The following GALNT2 variants were observed in gnomAD, a reference collection of about 807,000 sequenced individuals.
The protein encoded by GALNT2 is polypeptide N-acetylgalactosaminyltransferase 2.
Under a neutral mutation model 81.4 loss-of-function variants are expected in GALNT2, and 31 were observed. The ratio of observed to expected loss-of-function variants is 0.38; its 90% CI spans 0.29 to 0.51. GALNT2 has a LOEUF of 0.51. Among genes scored for constraint, GALNT2 ranks in the 20% least tolerant of loss-of-function variants. The pLI is 0.87. For synonymous variants in GALNT2, 303 were observed against 287.4 expected (o/e 1.05, Z -0.55); for missense variants, 629 against 765.7 (o/e 0.82, Z 2.11).
chr1:230,197,687 A>G (rs1474657056), intron 2 of GALNT2, among the ~76,000 whole-genome samples: 5 of 152,214 alleles, frequency 3.3e-5, no homozygotes, highest in Non-Finnish European at 5.9e-5. Context: ...TCCATTTTAT[A>G]CAAACCAGAG....
rs767038978 is a variant in GALNT2, at chr1:230,236,415, A to G, written c.536A>G (p.Asn179Ser). 2 of 1,614,028 alleles carry G rather than the reference A, an allele frequency of 1.2e-6. No homozygotes were observed. Among genetic ancestry groups the G allele is most frequent in the Admixed American group, 3.3e-5 (2 of 60,014 alleles). The change falls in exon 5 of 16, where the codon AAT becomes AGT. Residue 179 changes from asparagine (N) to serine (S), a missense_variant. By Grantham distance (46) the Asn-to-Ser change is conservative. Around this residue, in one of 3 missense-constraint regions of GALNT2, gnomAD observed 360 missense variants for 492.8 expected, o/e 0.73. Transcript: ENST00000366672. ...KEIILVDDYS[N>S]DPEDGALLGK... ...ATCATCTTGGTGGATGACTACAGCA[A>G]TGATCGTGAGTACTGACACTGATTT...
At chr1:230,059,296 C>T (rs1186306237) in intron 1 of GALNT2, among the ~76,000 whole-genome samples, 1 of 152,174 alleles carries the variant, frequency 6.6e-6, no homozygotes, top group Non-Finnish European at 1.5e-5. Flanking sequence ...CTGTACTATA[C>T]AGTCAGGAAA....
intron 8 of GALNT2, among the ~76,000 whole-genome samples, chr1:230,247,292 C>T (rs1206662754): frequency 1.3e-5 from 2 of 152,196 alleles, no homozygotes; most frequent in African/African-American, 2.4e-5. Flanking sequence ...TTTAGGGAGA[C>T]TCAGCCACGG....
upstream of GALNT2, among the ~76,000 whole-genome samples, chr1:230,066,022 T>C (rs1233192494): frequency 6.6e-6 from 1 of 152,238 alleles, no homozygotes; most frequent in Non-Finnish European, 1.5e-5. Flanking sequence ...TCCTTGGCAA[T>C]AGTGGAGGGA....
chr1:230,169,713 C>CA (rs1303758742), intron 1 of GALNT2, among the ~76,000 whole-genome samples: 1 of 152,210 alleles, frequency 6.6e-6, no homozygotes, highest in African/African-American at 2.4e-5. Flanking sequence ...TGAGCAGCCC[C>CA]ACGTTATTCC....
intron 1 of GALNT2, among the ~76,000 whole-genome samples, chr1:230,108,407 A>G (rs1571970762): frequency 6.6e-6 from 1 of 152,252 alleles, no homozygotes; most frequent in African/African-American, 2.4e-5. Context: ...TAAACCCATC[A>G]TAAGTTGAAA....
chr1:230,076,116 T>C (rs904915915), intron 1 of GALNT2, among the ~76,000 whole-genome samples: 2 of 152,222 alleles, frequency 1.3e-5, no homozygotes, highest in African/African-American at 2.4e-5. Context: ...GTTAAAAGGT[T>C]GTGTGTACTC....
intron 10 of GALNT2, 32 bp from the exon 11 acceptor site, chr1:230,255,186 G>T (rs1386797230): frequency 1.4e-5 from 22 of 1,614,172 alleles, no homozygotes; most frequent in Non-Finnish European, 1.8e-5. Context: ...CCCAGGCTCT[G>T]TCAGTCACCT....
chr1:230,247,514 G>A (rs888039091), intron 8 of GALNT2, among the ~76,000 whole-genome samples: 4 of 152,172 alleles, frequency 2.6e-5, no homozygotes, highest in South Asian at 2.1e-4. Context: ...ATTCAGGAAC[G>A]ATTCCCAGCA....
chr1:230,107,285 C>T (rs773583218), intron 1 of GALNT2, among the ~76,000 whole-genome samples: 7 of 152,170 alleles, frequency 4.6e-5, no homozygotes, highest in African/African-American at 9.7e-5. Flanking sequence ...AAAATGAATT[C>T]GCAGCCAGGG....
chr1:230,064,082 T>A (rs1558265884), upstream of GALNT2, among the ~76,000 whole-genome samples: 1 of 152,208 alleles, frequency 6.6e-6, no homozygotes, highest in African/African-American at 2.4e-5. Flanking sequence ...TATATTTTGT[T>A]GTAGTGATTT....
chr1:230,078,114 A>G (rs749773003), intron 1 of GALNT2, among the ~76,000 whole-genome samples: 1 of 152,196 alleles, frequency 6.6e-6, no homozygotes, highest in Non-Finnish European at 1.5e-5. Flanking sequence ...GAATTGACCA[A>G]TTACAGCCTT....
Position 230,193,362 on chromosome 1 carries a change from C to G in GALNT2, c.221-9775C>G, listed in dbSNP as rs1330308399. 6.6e-6 allele frequency among the ~76,000 whole-genome samples: 1 copy of G among 152,148 alleles called. No homozygotes were observed. Among genetic ancestry groups the G allele is most frequent in the Admixed American group, 6.5e-5 (1 of 15,280 alleles). On this transcript the variant is annotated intron_variant, in intron 2 of 15. Coordinates refer to ENST00000366672, the MANE Select transcript of GALNT2 (RefSeq NM_004481.5). The surrounding 1 kb of genome is among the most constrained non-coding windows in gnomAD (Gnocchi z 4.3). ...TACACCTGCGGGTGGTAGATGACAG[C>G]TCTTTGCCCAAGAGCATATGTCCTG... is the stretch of plus-strand genomic sequence containing the variant.
chr1:230,067,481 C>A, intron 1 of GALNT2, 75 bp downstream of exon 1: 1 of 510,770 alleles, frequency 2.0e-6, no homozygotes, highest in Non-Finnish European at 2.8e-6. Flanking sequence ...CTGCCCTCTC[C>A]GCGCCGCCCC....
intron 1 of GALNT2, among the ~76,000 whole-genome samples, chr1:230,083,005 G>A (rs1659783788): frequency 6.6e-6 from 1 of 151,176 alleles, no homozygotes; most frequent in African/African-American, 2.4e-5. Flanking sequence ...GCAGGGAGCT[G>A]GAATGATAGA....
chr1:230,158,775 C>T (rs575884404), intron 1 of GALNT2, among the ~76,000 whole-genome samples: 13 of 152,366 alleles, frequency 8.5e-5, no homozygotes, highest in African/African-American at 2.9e-4. Flanking sequence ...CTACCCACCC[C>T]GCCACCTCCC....
rs1041858629 is a variant in GALNT2 at position 230,144,651 on chromosome 1, T to A, written c.127-33567T>A. Among the ~76,000 whole-genome samples, 7 of 152,134 alleles carry A rather than the reference T, an allele frequency of 4.6e-5. 1 individual carries two copies. The South Asian group carries it at 1.2e-3, about 27-fold the overall frequency. On this transcript the variant is annotated intron_variant, in intron 1 of 15. Coordinates refer to ENST00000366672, the MANE Select transcript of GALNT2 (RefSeq NM_004481.5). ...CTTTTCCTGTTTATGCCTGTGTGTGTGTGGTGGGGAGTTAGGGGTGGTAGT... is the reference window on the plus strand; with the variant it reads ...CTTTTCCTGTTTATGCCTGTGTGTGAGTGGTGGGGAGTTAGGGGTGGTAGT...
At position 230,279,480 on chromosome 1, in the gene GALNT2, G is replaced by A. The variant is rs373415974; in HGVS notation, c.*22G>A. 14 of 1,610,138 alleles carry A rather than the reference G, an allele frequency of 8.7e-6. 1 individual carries two copies. The highest frequency in any genetic ancestry group is 6.7e-5 in the East Asian group (3 of 44,782). ...GTAGGAGGGTCCGGGAGGCCCTGCCGTCCTGTCTCCTGCACCATTGGGTGG... is the reference window on the plus strand; with the variant it reads ...GTAGGAGGGTCCGGGAGGCCCTGCCATCCTGTCTCCTGCACCATTGGGTGG... On this transcript the variant is annotated 3_prime_UTR_variant, in exon 16 of 16. Coordinates refer to ENST00000366672, the MANE Select transcript of GALNT2 (RefSeq NM_004481.5). The surrounding 1 kb of genome is among the most constrained non-coding windows in gnomAD (Gnocchi z 4.6).
chr1:230,190,994 C>T (rs1162053230), intron 2 of GALNT2, among the ~76,000 whole-genome samples: 1 of 151,996 alleles, frequency 6.6e-6, no homozygotes, highest in Admixed American at 6.6e-5. Flanking sequence ...ATATTAGTTG[C>T]CATTTTATCT....
Sources: allele counts gnomAD v4.1 joint callset (sites outside exome capture counted in the v4.1 genomes callset), GRCh38; gene constraint gnomAD v4.1.1; regional missense constraint gnomAD v4.1.1; non-coding constraint Gnocchi (gnomAD v3.1); transcripts MANE v1.5; gene names NCBI Gene and HGNC (gene_info 2026-07-23, HGNC 2026-07-21).